The following CADM2 variants were observed in gnomAD, a reference collection of about 807,000 sequenced individuals.
CADM2 encodes the protein immunoglobulin superfamily member 4D.
Under a neutral mutation model 49.8 loss-of-function variants are expected in CADM2, and 12 were observed. The observed-to-expected ratio is 0.24, with a 90% CI of 0.15 to 0.39. CADM2 has a LOEUF of 0.39. CADM2 is among the 10% of genes least tolerant of loss of function. The pLI, the probability that CADM2 is intolerant of heterozygous loss-of-function variation, is 1.00. For missense variants in CADM2, 378 were observed against 492.3 expected (o/e 0.77, Z 2.20); for synonymous variants, 214 against 175.4 (o/e 1.22, Z -1.74).
At chr3:85,232,336 C>T (rs2042312996) in intron 1 of CADM2, among the ~76,000 whole-genome samples, 1 of 151,936 alleles carries the variant, frequency 6.6e-6, no homozygotes, top group South Asian at 2.1e-4. Context: ...TGAAGTAGGA[C>T]TTTACATGGA....
At chr3:85,373,010 A>G (rs1559806678) in intron 1 of CADM2, among the ~76,000 whole-genome samples, 1 of 152,074 alleles carries the variant, frequency 6.6e-6, no homozygotes, top group Non-Finnish European at 1.5e-5. Flanking sequence ...GCCAAACCAT[A>G]TCATTCTGGT....
chr3:85,923,793 C>T (rs1022124828), intron 6 of CADM2, among the ~76,000 whole-genome samples: 1 of 152,146 alleles, frequency 6.6e-6, no homozygotes, highest in Non-Finnish European at 1.5e-5. Context: ...AATCAGCTCC[C>T]TGTGGTTATC....
intron 7 of CADM2, among the ~76,000 whole-genome samples, chr3:85,943,921 A>G (rs1722301215): frequency 6.6e-6 from 1 of 152,006 alleles, no homozygotes; most frequent in African/African-American, 2.4e-5. Context: ...CACACATAAC[A>G]ATATTAACCT....
intron 1 of CADM2, among the ~76,000 whole-genome samples, chr3:85,049,363 A>ATTTATTTT (rs2035791058): frequency 7.7e-6 from 1 of 130,370 alleles, no homozygotes; most frequent in African/African-American, 2.5e-5. Flanking sequence ...TTATTTATTT[A>ATTTATTTT]TTTTTGAGAT....
chr3:85,445,869 A>T (rs892136474), intron 1 of CADM2, among the ~76,000 whole-genome samples: 6 of 152,164 alleles, frequency 3.9e-5, no homozygotes, highest in African/African-American at 1.4e-4. Flanking sequence ...TTGAAACAAA[A>T]TAAAACTGTA....
At chr3:85,973,518 A>G (rs898108290) in intron 8 of CADM2, among the ~76,000 whole-genome samples, 2 of 151,770 alleles carry the variant, frequency 1.3e-5, no homozygotes, top group African/African-American at 4.8e-5. Flanking sequence ...TGCAAGCAAT[A>G]TATGTTAAGT....
chr3:85,169,195 G>T (rs191366650), intron 1 of CADM2, among the ~76,000 whole-genome samples: 1 of 151,898 alleles, frequency 6.6e-6, no homozygotes, highest in South Asian at 2.1e-4. Flanking sequence ...AGTTCCACCA[G>T]GTTGGCAAGT....
At chr3:85,348,302 C>T (rs961568805) in intron 1 of CADM2, among the ~76,000 whole-genome samples, 16 of 152,144 alleles carry the variant, frequency 1.1e-4, no homozygotes, top group Non-Finnish European at 2.9e-5. Flanking sequence ...AGATGAGGCT[C>T]ACCTGCATTA....
At chr3:85,633,663 T>C (rs2064376413) in intron 1 of CADM2, among the ~76,000 whole-genome samples, 1 of 152,062 alleles carries the variant, frequency 6.6e-6, no homozygotes, top group African/African-American at 2.4e-5. Context: ...TAGAATATCA[T>C]AGTCGCAACT....
chr3:85,297,157 C>T (rs557725472), intron 1 of CADM2, among the ~76,000 whole-genome samples: 1 of 151,704 alleles, frequency 6.6e-6, no homozygotes, highest in African/African-American at 2.4e-5. Flanking sequence ...CTAGCATGTG[C>T]ACTTTTATTG....
chr3:85,478,104 A>G (rs1463507616), intron 1 of CADM2, among the ~76,000 whole-genome samples: 2 of 151,940 alleles, frequency 1.3e-5, no homozygotes, highest in Non-Finnish European at 2.9e-5. Flanking sequence ...GAATCATTTC[A>G]TGGACATCTA....
intron 1 of CADM2, among the ~76,000 whole-genome samples, chr3:85,111,577 C>G (rs1440529553): frequency 6.6e-6 from 1 of 151,734 alleles, no homozygotes; most frequent in African/African-American, 2.4e-5. Context: ...CAATTGAACT[C>G]ACAGACAGAG....
At chr3:85,697,144 A>G (rs1042612046) in intron 1 of CADM2, among the ~76,000 whole-genome samples, 1 of 148,778 alleles carries the variant, frequency 6.7e-6, no homozygotes, top group Non-Finnish European at 1.5e-5. Flanking sequence ...TCAGTTAGCT[A>G]CTCTGCACAT....
chr3:85,180,639 A>G (rs1024966397), intron 1 of CADM2, among the ~76,000 whole-genome samples: 2 of 151,732 alleles, frequency 1.3e-5, no homozygotes, highest in African/African-American at 2.4e-5. Flanking sequence ...TGCTATTACT[A>G]TCTATAATTC....
intron 1 of CADM2, among the ~76,000 whole-genome samples, chr3:84,962,569 G>C (rs371891281): frequency 9.9e-5 from 15 of 152,136 alleles, no homozygotes; most frequent in African/African-American, 3.4e-4. Context: ...AATACTTAGC[G>C]GGTCTTTCTA....
chr3:85,138,793 A>T (rs2039493457), intron 1 of CADM2, among the ~76,000 whole-genome samples: 2 of 152,172 alleles, frequency 1.3e-5, no homozygotes, highest in South Asian at 4.1e-4. Flanking sequence ...AATTTACTCT[A>T]GCAGTGTCAT....
intron 1 of CADM2, among the ~76,000 whole-genome samples, chr3:85,636,443 C>T (rs115127473): frequency 6.6e-6 from 1 of 151,972 alleles, no homozygotes; most frequent in Non-Finnish European, 1.5e-5. Context: ...TGTGTTATTA[C>T]AAAAGAGTCC....
At chr3:85,323,557 C>T (rs2044671531) in intron 1 of CADM2, among the ~76,000 whole-genome samples, 4 of 152,172 alleles carry the variant, frequency 2.6e-5, no homozygotes, top group Admixed American at 2.6e-4. Context: ...TATGCTTGCA[C>T]ATATCATGAT....
At chr3:85,790,927 A>G (rs4856604) in intron 2 of CADM2, among the ~76,000 whole-genome samples, 31,731 of 152,136 alleles carry the variant, frequency 0.21, 3,862 homozygotes, top group East Asian at 0.42. Context: ...ATGGTGGCAC[A>G]GAAGGTGGAT....
Sources: allele counts gnomAD v4.1 joint callset (sites outside exome capture counted in the v4.1 genomes callset), GRCh38; gene constraint gnomAD v4.1.1; transcripts MANE v1.5; gene names NCBI Gene and HGNC (gene_info 2026-07-23, HGNC 2026-07-21).